Variants in ELMO2 observed in about 807,000 individuals in gnomAD.
ELMO2 encodes the protein engulfment and cell motility protein 2.
In ELMO2, 37 loss-of-function variants were observed where a neutral mutation model predicts 96.2. The observed-to-expected ratio is 0.38, with a 90% CI of 0.30 to 0.51. The LOEUF is 0.51. Among genes scored for constraint, ELMO2 ranks in the 20% least tolerant of loss-of-function variants. ELMO2 has a pLI of 0.88. For missense variants in ELMO2, 561 were observed against 912.6 expected, an observed-to-expected ratio of 0.61 and a Z score of 4.96; for synonymous variants, 315 against 329.4, an observed-to-expected ratio of 0.96 and a Z score of 0.47.
chr20:46,370,631 A>C, intron 19 of ELMO2, 106 bp from the exon 20 acceptor site: 2 of 1,047,240 alleles, frequency 1.9e-6, no homozygotes, highest in Non-Finnish European at 2.9e-6. Context: ...AGGAAGCCTC[A>C]GCCCCAAACT....
intron 16 of ELMO2, 109 bp from the exon 17 acceptor site, chr20:46,372,078 G>T: frequency 7.2e-7 from 1 of 1,396,758 alleles, no homozygotes. Context: ...AGCAGGGCAG[G>T]CACTACAGAC....
intron 20 of ELMO2, 141 bp from the exon 21 acceptor site, chr20:46,369,109 A>G (rs2059642808): frequency 1.3e-6 from 1 of 760,054 alleles, no homozygotes; most frequent in Non-Finnish European, 2.2e-6. Flanking sequence ...CTAGGCGGCC[A>G]CAAGTGTGGC....
chr20:46,367,364 C>A lies in ELMO2; in HGVS notation c.2159G>T (p.Gly720Val). 6.4e-7 allele frequency: 1 copy of A among 1,555,416 alleles called. No homozygotes were observed. Among genetic ancestry groups the A allele is most frequent in the Non-Finnish European group, 8.7e-7 (1 of 1,151,092 alleles). Residue 720 changes from glycine to valine, a missense_variant, in exon 22 of 22, where the codon GGC becomes GTC. Physicochemically the swap from Gly to Val is moderately radical, Grantham distance 109. Coordinates refer to ENST00000290246, the MANE Select transcript of ELMO2 (RefSeq NM_133171.5). ...CCGTCGTTTCTGGCTCCAGGCTCAG[C>A]CATAGTGATAGACAAAGTCATAGCT... is the stretch of plus-strand genomic sequence containing the variant. ...PSSYDFVYHY[G>V]
chr20:46,393,946 G>A (rs2039508772), intron 4 of ELMO2, 103 bp downstream of exon 4: 2 of 1,498,708 alleles, frequency 1.3e-6, no homozygotes, highest in Admixed American at 1.7e-5. Flanking sequence ...CCATGCTGAG[G>A]ACCTGCCTAA....
chr20:46,386,361 C>G, intron 8 of ELMO2, 86 bp from the exon 9 acceptor site: 1 of 1,533,514 alleles, frequency 6.5e-7, no homozygotes. Context: ...CCTTGAAGCT[C>G]TCTCTGCTTC....
At chr20:46,388,890 G>T (rs916351008) in intron 7 of ELMO2, 149 bp downstream of exon 7, 1 of 702,166 alleles carries the variant, frequency 1.4e-6, no homozygotes, top group Non-Finnish European at 2.4e-6. Flanking sequence ...TATATATCTT[G>T]GTATGGACTC....
rs548049702 is a variant in ELMO2 at position 46,367,781 on chromosome 20, A to G, written c.1963-221T>C. Among the ~76,000 whole-genome samples, 4 of 152,338 alleles carry G rather than the reference A, an allele frequency of 2.6e-5. No homozygotes were observed. In the East Asian group the frequency reaches 7.7e-4, roughly 29 times the overall value. The stretch of plus-strand genomic sequence containing the variant: ...GGGTTTTATATTACAACTCCTTACA[A>G]TAATATGAAGGAGAACCTAAAAATG... On this transcript the variant is annotated intron_variant, in intron 21 of 21. Coordinates refer to ENST00000290246, the MANE Select transcript of ELMO2 (RefSeq NM_133171.5).
chr20:46,380,104 A>G, intron 11 of ELMO2, 149 bp downstream of exon 11: 2 of 643,052 alleles, frequency 3.1e-6, no homozygotes, highest in South Asian at 2.5e-5. Flanking sequence ...CGCGGGAAAA[A>G]GCTATTCAGT....
chr20:46,398,805 G>A (rs1173309258), intron 1 of ELMO2, 34 bp from the exon 2 acceptor site: 1 of 152,162 alleles, frequency 6.6e-6, no homozygotes, highest in Non-Finnish European at 1.5e-5. Flanking sequence ...AAAATGAAGG[G>A]AGGGAAAAGA....
chr20:46,386,488 A>C (rs1600857654), intron 8 of ELMO2, among the ~76,000 whole-genome samples: 1 of 152,186 alleles, frequency 6.6e-6, no homozygotes, highest in East Asian at 1.9e-4. Flanking sequence ...GTATCCACTT[A>C]ATTGTGTTTC....
At chr20:46,400,265 T>C (rs2060313832) in intron 1 of ELMO2, among the ~76,000 whole-genome samples, 1 of 152,258 alleles carries the variant, frequency 6.6e-6, no homozygotes, top group Non-Finnish European at 1.5e-5. Flanking sequence ...TCCCTCTGCT[T>C]TTCTCCCTAT....
At chr20:46,369,237 TG>T (rs1600814829) in intron 20 of ELMO2, 4 of 385,156 alleles carry the variant, frequency 1.0e-5, no homozygotes, top group East Asian at 4.5e-5. Context: ...CTCAGAACCC[TG>T]GAAGGTCACG....
At chr20:46,386,960 A>G (rs957685506) in intron 8 of ELMO2, among the ~76,000 whole-genome samples, 1 of 152,216 alleles carries the variant, frequency 6.6e-6, no homozygotes. Flanking sequence ...TGTAAATAGA[A>G]GGCAAATTTA....
At chr20:46,401,295 C>G (rs2145859676) in intron 1 of ELMO2, among the ~76,000 whole-genome samples, 1 of 152,264 alleles carries the variant, frequency 6.6e-6, no homozygotes, top group South Asian at 2.1e-4. Context: ...ATTTGACTGG[C>G]AGAGATTAAG....
intron 6 of ELMO2, among the ~76,000 whole-genome samples, chr20:46,391,768 A>C (rs891184887): frequency 5.3e-5 from 8 of 152,162 alleles, no homozygotes; most frequent in African/African-American, 1.9e-4. Context: ...GAAACAACCA[A>C]CACGAAGGGT....
At chr20:46,374,811 G>A (rs1479432591) in intron 13 of ELMO2, among the ~76,000 whole-genome samples, 171 bp from the exon 14 acceptor site, 1 of 152,080 alleles carries the variant, frequency 6.6e-6, no homozygotes, top group Non-Finnish European at 1.5e-5. Flanking sequence ...CTTGAGTGCT[G>A]GACGGTGGCT....
chr20:46,385,564 G>C (rs2060026567), intron 9 of ELMO2, among the ~76,000 whole-genome samples: 1 of 152,186 alleles, frequency 6.6e-6, no homozygotes, highest in African/African-American at 2.4e-5. Flanking sequence ...TGATGGCAGA[G>C]ACCTAGTATG....
rs558569174 is a variant in ELMO2 at position 46,390,256 on chromosome 20, G to T, written c.244-1036C>A. Among the ~76,000 whole-genome samples, 26 of 152,336 alleles carry T rather than the reference G, an allele frequency of 1.7e-4. No individual in the cohort carries two copies. The East Asian group carries it at 5.0e-3, about 29-fold the overall frequency. On this transcript the variant is annotated intron_variant, in intron 6 of 21. Transcript: ENST00000290246. ...CCCTGTCAGCAGAAGCAATCAAGGAGAATCTGGACAACCACCTGTCAAAGA... is the reference window on the plus strand; with the variant it reads ...CCCTGTCAGCAGAAGCAATCAAGGATAATCTGGACAACCACCTGTCAAAGA...
rs1568747968 is a variant in ELMO2, at chr20:46,371,557, G to C, written c.1693+22C>G. ...CCAGGCAGGCTCTTCCCGGCACCAA[G>C]GATTGCCCCGTCTCCTCTCACCTTG... On this transcript the variant is annotated intron_variant, in intron 18 of 21. Coordinates refer to ENST00000290246, the MANE Select transcript of ELMO2 (RefSeq NM_133171.5). The surrounding 1 kb of genome is among the most constrained non-coding windows in gnomAD (Gnocchi z 5.9). The C allele has an allele frequency of 6.2e-7, 1 of 1,603,578 alleles. No individual in the cohort carries two copies.
Sources: allele counts gnomAD v4.1 joint callset (sites outside exome capture counted in the v4.1 genomes callset), GRCh38; gene constraint gnomAD v4.1.1; non-coding constraint Gnocchi (gnomAD v3.1); transcripts MANE v1.5; gene names NCBI Gene and HGNC (gene_info 2026-07-23, HGNC 2026-07-21).